Variants in DCAF6 observed in about 807,000 individuals in gnomAD.
DCAF6 encodes the protein DDB1- and CUL4-associated factor 6.
In DCAF6, 54 loss-of-function variants were observed where a neutral mutation model predicts 125.1. That is an observed-to-expected ratio of 0.43 (90% CI 0.35 to 0.54). DCAF6 has a LOEUF of 0.54. DCAF6 is among the 20% of genes least tolerant of loss of function. The pLI is 0.01. For synonymous variants in DCAF6, 371 were observed against 390.4 expected (o/e 0.95, Z 0.58); for missense variants, 934 against 1,161.7 (o/e 0.80, Z 2.85).
At chr1:168,058,590 G>C (rs1691196321) in intron 17 of DCAF6, among the ~76,000 whole-genome samples, 1 of 151,634 alleles carries the variant, frequency 6.6e-6, no homozygotes, top group Admixed American at 6.6e-5. Flanking sequence ...TGTTTGTTTT[G>C]AGATGGAGTC....
At chr1:167,970,522 C>T (rs2102861160) in intron 3 of DCAF6, among the ~76,000 whole-genome samples, 1 of 152,236 alleles carries the variant, frequency 6.6e-6, no homozygotes, top group East Asian at 1.9e-4. Context: ...GTGGCACATG[C>T]CTGTAGTCCC....
chr1:168,034,560 G>A (rs565269833), intron 12 of DCAF6, among the ~76,000 whole-genome samples: 7 of 152,228 alleles, frequency 4.6e-5, no homozygotes, highest in African/African-American at 1.7e-4. Context: ...AAAAAATTAA[G>A]CTTATTGTTT....
chr1:167,917,992 A>T, the DCAF6 span: 31 of 196,716 alleles, frequency 1.6e-4, no homozygotes, highest in African/African-American at 7.0e-4. Context: ...CAGATAATTT[A>T]ATCTTCCAAC....
At chr1:167,905,057 A>G in the DCAF6 span, 6 of 1,614,182 alleles carry the variant, frequency 3.7e-6, no homozygotes, top group Non-Finnish European at 5.1e-6. Flanking sequence ...CTGGGGAGAA[A>G]TGTCCATAGA....
rs370699264 is a variant in DCAF6 at position 168,023,020 on chromosome 1, G to A, written c.1582G>A (p.Gly528Arg). 24 of 1,614,122 alleles carry A rather than the reference G, an allele frequency of 1.5e-5. No individual in the cohort carries two copies. Among genetic ancestry groups the A allele is most frequent in the Non-Finnish European group, 1.9e-5 (22 of 1,180,022 alleles). ...SPSSVVNKQLGSMSLDEQQDN... is the reference protein window; with the variant it reads ...SPSSVVNKQLRSMSLDEQQDN... ...TTCTTCTGTGGTTAACAAACAGCTCGGATCCATGTCACTTGACGAGCAACA... is the reference window on the plus strand; with the variant it reads ...TTCTTCTGTGGTTAACAAACAGCTCAGATCCATGTCACTTGACGAGCAACA... The change falls in exon 12 of 22, where the codon GGA becomes AGA. Residue 528 changes from glycine to arginine, a missense_variant. Around this residue, in one of 5 missense-constraint regions of DCAF6, gnomAD observed 559 missense variants for 635.5 expected, o/e 0.88. Coordinates refer to ENST00000367840, the MANE Select transcript of DCAF6 (RefSeq NM_001198956.2).
rs562850999 is a variant in DCAF6, at chr1:167,945,569, A to G, written c.98-6231A>G. On this transcript the variant is annotated intron_variant, in intron 1 of 21. Coordinates refer to ENST00000367840, the MANE Select transcript of DCAF6 (RefSeq NM_001198956.2). Reference sequence around the variant, plus strand: ...TGCAGTGGCACAATCTCGGCTTACTACAACCTCCGGCTCCCAGGTTCAAGC... The same window carrying G: ...TGCAGTGGCACAATCTCGGCTTACTGCAACCTCCGGCTCCCAGGTTCAAGC... Among the ~76,000 whole-genome samples the G allele has an allele frequency of 9.4e-4, 143 of 151,640 alleles. 2 individuals carry two copies. Among genetic ancestry groups the G allele is most frequent in the African/African-American group, 3.3e-3 (136 of 41,350 alleles).
chr1:167,935,856 C>G, upstream of DCAF6: 5 of 1,543,478 alleles, frequency 3.2e-6, no homozygotes, highest in Non-Finnish European at 4.4e-6. Context: ...GCCGAGGGAT[C>G]GTTGGCAGCC....
At chr1:168,062,539 T>A (rs1691728850) in intron 17 of DCAF6, among the ~76,000 whole-genome samples, 2 of 152,112 alleles carry the variant, frequency 1.3e-5, no homozygotes, top group Admixed American at 1.3e-4. Context: ...AAAAGATCAG[T>A]TTTTTGTTTT....
chr1:167,955,919 C>T (rs1044058836), intron 2 of DCAF6, among the ~76,000 whole-genome samples: 3 of 152,050 alleles, frequency 2.0e-5, no homozygotes, highest in Non-Finnish European at 2.9e-5. Context: ...ATGCCACCAC[C>T]CCAGCAAATG....
At chr1:167,991,713 A>G (rs1172391220) in intron 6 of DCAF6, among the ~76,000 whole-genome samples, 1 of 152,168 alleles carries the variant, frequency 6.6e-6, no homozygotes, top group Non-Finnish European at 1.5e-5. Flanking sequence ...CCCCTAGCTC[A>G]TGGTGGTTGC....
chr1:168,065,510 T>TA, intron 18 of DCAF6, 80 bp from the exon 19 acceptor site: 3 of 1,057,944 alleles, frequency 2.8e-6, no homozygotes, highest in Non-Finnish European at 4.0e-6. Context: ...TTAAAACAAA[T>TA]AAAAAAATGT....
chr1:167,933,897 T>C (rs868572641), upstream of DCAF6, among the ~76,000 whole-genome samples: 1 of 152,216 alleles, frequency 6.6e-6, no homozygotes, highest in African/African-American at 2.4e-5. Flanking sequence ...GCAAACGCTG[T>C]GCTACATGTT....
intron 1 of DCAF6, among the ~76,000 whole-genome samples, chr1:167,937,506 T>C (rs568219342): frequency 6.6e-6 from 1 of 152,030 alleles, no homozygotes; most frequent in Non-Finnish European, 1.5e-5. Context: ...GTAAACTGTT[T>C]TTGCGGCGCT....
chr1:168,043,875 C>T (rs1688838393), intron 14 of DCAF6, among the ~76,000 whole-genome samples: 1 of 152,090 alleles, frequency 6.6e-6, no homozygotes, highest in Non-Finnish European at 1.5e-5. Context: ...ATAGTATGGT[C>T]AGCTTAACTA....
At chr1:168,073,532 CCT>C (rs150699452) in intron 21 of DCAF6, among the ~76,000 whole-genome samples, 4,906 of 152,196 alleles carry the variant, frequency 0.032, 197 homozygotes, top group African/African-American at 0.095. Context: ...TTATTGTGTG[CCT>C]CTGAGTGTAA....
the DCAF6 span, chr1:167,904,863 G>A: frequency 1.7e-6 from 2 of 1,203,696 alleles, no homozygotes; most frequent in South Asian, 1.2e-5. Flanking sequence ...TGTTCTCAGT[G>A]GAGCACATCT....
At chr1:167,916,917 C>T in the DCAF6 span, 1 of 152,196 alleles carries the variant, frequency 6.6e-6, no homozygotes, top group Non-Finnish European at 1.5e-5. Context: ...TGGCCTATGT[C>T]AAGCTCTCTA....
At chr1:168,067,072 T>G (rs1692432204) in intron 20 of DCAF6, among the ~76,000 whole-genome samples, 2 of 152,170 alleles carry the variant, frequency 1.3e-5, no homozygotes, top group African/African-American at 4.8e-5. Flanking sequence ...CTCTGGGCCT[T>G]TCCTCCCCAA....
intron 17 of DCAF6, among the ~76,000 whole-genome samples, chr1:168,061,136 CTCTA>C (rs952585309): frequency 3.3e-5 from 5 of 152,184 alleles, no homozygotes; most frequent in African/African-American, 1.2e-4. Flanking sequence ...TATTTGACCT[CTCTA>C]TCCTTCCCAT....
Sources: gnomAD v4.1 joint callset for allele counts (sites outside exome capture counted in the v4.1 genomes callset) on GRCh38, gnomAD v4.1.1 for gene constraint, gnomAD v4.1.1 regional missense constraint, MANE v1.5 for transcripts, NCBI Gene and HGNC (gene_info 2026-07-23, HGNC 2026-07-21) for gene names.